Variants in DNAH6 observed in about 807,000 individuals in gnomAD.
DNAH6 encodes the protein dynein axonemal heavy chain 6, also known as axonemal beta dynein heavy chain 6.
A neutral mutation model predicts 491.4 loss-of-function variants in DNAH6; 340 were observed. The observed-to-expected ratio is 0.69, with a 90% CI of 0.63 to 0.76. The LOEUF (loss-of-function observed/expected upper bound fraction) is 0.76. Ranked by LOEUF, DNAH6 falls within the 30% of genes least tolerant of loss-of-function variation. DNAH6 has a pLI of 0.00. For synonymous variants in DNAH6, 1,603 were observed against 1,686.1 expected (o/e 0.95, Z 1.21); for missense variants, 4,443 against 4,972.2 (o/e 0.89, Z 3.20).
intron 58 of DNAH6, among the ~76,000 whole-genome samples, chr2:84,717,794 GAT>G (rs1450675339): frequency 6.6e-6 from 1 of 152,188 alleles, no homozygotes; most frequent in Non-Finnish European, 1.5e-5. Flanking sequence ...GAGGTGGTGT[GAT>G]TTCAGAATCT....
chr2:84,574,345 A>G (rs7596346), intron 12 of DNAH6, among the ~76,000 whole-genome samples: 10,352 of 152,152 alleles, frequency 0.068, 1,150 homozygotes, highest in African/African-American at 0.24. Flanking sequence ...CTTAAGTTAA[A>G]TAATTCAATA....
chr2:84,461,105 C>G, the DNAH6 span, among the ~76,000 whole-genome samples: 3 of 152,204 alleles, frequency 2.0e-5, no homozygotes, highest in African/African-American at 7.2e-5. Context: ...AGCACCTAAA[C>G]CCATGTAGAT....
At chr2:84,548,253 A>G (rs753015014) in intron 7 of DNAH6, 35 bp from the exon 8 acceptor site, 2 of 1,575,348 alleles carry the variant, frequency 1.3e-6, no homozygotes, top group African/African-American at 1.4e-5. Context: ...CTTTTACACA[A>G]GTACACTTGT....
chr2:84,579,407 C>T (rs573332255), intron 13 of DNAH6, 120 bp from the exon 14 acceptor site: 2 of 1,058,956 alleles, frequency 1.9e-6, no homozygotes, highest in East Asian at 2.6e-5. Flanking sequence ...AAAGTCTCTT[C>T]GTATTCACTG....
chr2:84,471,965 A>G, the DNAH6 span, among the ~76,000 whole-genome samples: 15 of 152,118 alleles, frequency 9.9e-5, no homozygotes, highest in African/African-American at 3.1e-4. Context: ...CAGGCACCTC[A>G]TGGTCACCTG....
At chr2:84,523,833 T>A (rs1676361054) in intron 2 of DNAH6, among the ~76,000 whole-genome samples, 1 of 152,180 alleles carries the variant, frequency 6.6e-6, no homozygotes, top group South Asian at 2.1e-4. Flanking sequence ...TGGTATAATT[T>A]CAGTTCTTTT....
At chr2:84,586,992 G>A (rs959826851) in intron 15 of DNAH6, among the ~76,000 whole-genome samples, 1 of 152,106 alleles carries the variant, frequency 6.6e-6, no homozygotes, top group African/African-American at 2.4e-5. Context: ...TACATGTGCA[G>A]GTTTGTTATA....
At chr2:84,764,784 A>G (rs1674922477) in intron 64 of DNAH6, among the ~76,000 whole-genome samples, 2 of 152,152 alleles carry the variant, frequency 1.3e-5, no homozygotes, top group Non-Finnish European at 2.9e-5. Context: ...ACTGCATAGC[A>G]TTCCATGGTG....
At chr2:84,761,065 C>T (rs1372184805) in intron 63 of DNAH6, among the ~76,000 whole-genome samples, 2 of 151,750 alleles carry the variant, frequency 1.3e-5, no homozygotes, top group African/African-American at 2.4e-5. Context: ...ATGGAATCGA[C>T]CTACATGTCC....
chr2:84,621,243 G>C lies in DNAH6; in HGVS notation c.3845G>C (p.Gly1282Ala). Reference protein sequence around the residue: ...KARGNVEEWLGKVEEAMFTSL... With the variant: ...KARGNVEEWLAKVEEAMFTSL... Reference sequence around the variant, plus strand: ...CGAGGCAATGTAGAGGAATGGCTTGGTAAAGTGGAAGAAGCCATGTTCACA... The same window carrying C: ...CGAGGCAATGTAGAGGAATGGCTTGCTAAAGTGGAAGAAGCCATGTTCACA... The change falls in exon 25 of 77, where the codon GGT (glycine) becomes GCT (alanine). Residue 1282 changes from glycine (G) to alanine (A), a missense_variant. Physicochemically the swap from Gly to Ala is moderately conservative, Grantham distance 60. Around this residue, in one of 3 missense-constraint regions of DNAH6, gnomAD observed 2,977 missense variants for 3,296.6 expected, o/e 0.90. Transcript: ENST00000389394. The C allele has an allele frequency of 6.4e-7, 1 of 1,551,612 alleles. No homozygotes were observed. Among genetic ancestry groups the C allele is most frequent in the South Asian group, 1.2e-5 (1 of 84,062 alleles).
chr2:84,724,192 C>T (rs1039125838), intron 60 of DNAH6, among the ~76,000 whole-genome samples: 1 of 152,224 alleles, frequency 6.6e-6, no homozygotes, highest in Non-Finnish European at 1.5e-5. Context: ...ATACATGCCA[C>T]TCAGTAGAAA....
At chr2:84,531,950 G>A (rs1042529131) in intron 4 of DNAH6, among the ~76,000 whole-genome samples, 14 of 152,130 alleles carry the variant, frequency 9.2e-5, no homozygotes, top group South Asian at 8.3e-4. Flanking sequence ...TGGAAAGTGG[G>A]TTATTTGGTG....
chr2:84,723,856 T>C (rs961494392), intron 60 of DNAH6, among the ~76,000 whole-genome samples: 14 of 152,220 alleles, frequency 9.2e-5, no homozygotes, highest in Non-Finnish European at 7.3e-5. Context: ...TCATTTTTTC[T>C]CAAAAGCAAA....
intron 4 of DNAH6, among the ~76,000 whole-genome samples, chr2:84,535,869 A>G (rs1677643533): frequency 6.6e-6 from 1 of 151,962 alleles, no homozygotes; most frequent in Admixed American, 6.6e-5. Context: ...GTCTGGAAGA[A>G]CTTTGTTTAG....
At chr2:84,699,288 G>A (rs546430431) in intron 47 of DNAH6, among the ~76,000 whole-genome samples, 1 of 152,088 alleles carries the variant, frequency 6.6e-6, no homozygotes, top group East Asian at 1.9e-4. Context: ...GATGTCTTCT[G>A]CCCCACAGCA....
chr2:84,544,159 TA>T, intron 4 of DNAH6, 73 bp from the exon 5 acceptor site: 1 of 789,156 alleles, frequency 1.3e-6, no homozygotes, highest in Non-Finnish European at 1.9e-6. Flanking sequence ...CTCTGTAGAA[TA>T]AAAAAGCAAT....
chr2:84,796,266 T>TA, intron 68 of DNAH6, 40 bp from the exon 69 acceptor site: 1 of 1,362,216 alleles, frequency 7.3e-7, no homozygotes, highest in Non-Finnish European at 9.7e-7. Flanking sequence ...ATCAATTTTT[T>TA]AAAAACAGCA....
intron 8 of DNAH6, among the ~76,000 whole-genome samples, chr2:84,549,543 G>A (rs571393878): frequency 2.6e-5 from 4 of 152,254 alleles, no homozygotes; most frequent in African/African-American, 7.2e-5. Flanking sequence ...TGTATGCATC[G>A]ATTTCTCCTT....
At chr2:84,478,751 T>C in the DNAH6 span, among the ~76,000 whole-genome samples, 1 of 152,118 alleles carries the variant, frequency 6.6e-6, no homozygotes, top group Non-Finnish European at 1.5e-5. Flanking sequence ...ACAACAATCT[T>C]GGCCAAAACC....
Sources: allele counts gnomAD v4.1 joint callset (sites outside exome capture counted in the v4.1 genomes callset), GRCh38; gene constraint gnomAD v4.1.1; regional missense constraint gnomAD v4.1.1; transcripts MANE v1.5; gene names NCBI Gene and HGNC (gene_info 2026-07-23, HGNC 2026-07-21).